Variants in NPHP3 observed in about 807,000 individuals in gnomAD.
NPHP3 encodes the protein nephrocystin-3.
Under a neutral mutation model 171.9 loss-of-function variants are expected in NPHP3, and 123 were observed. That is an observed-to-expected ratio of 0.72 (90% CI 0.62 to 0.83). The LOEUF (loss-of-function observed/expected upper bound fraction) is 0.83. Ranked by LOEUF, NPHP3 falls within the 40% of genes least tolerant of loss-of-function variation. The pLI, the probability that NPHP3 is intolerant of heterozygous loss-of-function variation, is 0.00. For missense variants in NPHP3, 1,506 were observed against 1,591.9 expected (o/e 0.95, Z 0.92); for synonymous variants, 558 against 579.2 (o/e 0.96, Z 0.52).
At position 132,688,294 on chromosome 3, in the gene NPHP3, T is replaced by A. The variant is rs138636703; in HGVS notation, c.3125+356A>T. 1.2e-3 allele frequency among the ~76,000 whole-genome samples: 183 copies of A among 152,340 alleles called. 1 individual carries two copies. Among genetic ancestry groups the A allele is most frequent in the African/African-American group, 3.8e-3 (157 of 41,586 alleles). ...ACTTGGGTCCCATCCCCAAGATATC[T>A]CATTATATATATGCAAATATTCTGA... On this transcript the variant is annotated intron_variant, in intron 21 of 26. Transcript: ENST00000337331.
chr3:132,712,108 T>C (rs1005027085), intron 6 of NPHP3, among the ~76,000 whole-genome samples: 2 of 152,166 alleles, frequency 1.3e-5, no homozygotes, highest in Non-Finnish European at 2.9e-5. Flanking sequence ...TATATCTAAC[T>C]GGTGAAAAAA....
At chr3:132,721,859 TG>T in intron 1 of NPHP3, 103 bp downstream of exon 1, 1 of 1,345,376 alleles carries the variant, frequency 7.4e-7, no homozygotes, top group Middle Eastern at 1.8e-4. Flanking sequence ...CAAATTAAAA[TG>T]GGCAGTTTCC....
intron 3 of NPHP3, chr3:132,718,184 G>A: frequency 2.4e-6 from 1 of 414,780 alleles, no homozygotes; most frequent in South Asian, 1.7e-5. Flanking sequence ...CCATTTGTGA[G>A]AATATACTTA....
In NPHP3 at chr3:132,680,705, A is replaced by G. The variant is rs1939002159; in HGVS notation, c.*1205T>C. The G allele has an allele frequency of 6.6e-6, 1 of 152,212 alleles. No individual in the cohort carries two copies. The highest frequency in any genetic ancestry group is 1.5e-5 in the Non-Finnish European group (1 of 68,032). The allele number at this position is 152,212 out of a possible 1,614,324, so 9.4% of individuals were successfully genotyped here. On this transcript the variant is annotated 3_prime_UTR_variant, in exon 27 of 27. Transcript: ENST00000337331. Reference sequence around the variant, plus strand: ...ACATGTTAGGATCTTACAAGTATTAAATTGATGATTTTATTATATATAAAT... The same window carrying G: ...ACATGTTAGGATCTTACAAGTATTAGATTGATGATTTTATTATATATAAAT...
chr3:132,700,553 A>T, intron 10 of NPHP3, 105 bp from the exon 11 acceptor site: 1 of 634,880 alleles, frequency 1.6e-6, no homozygotes, highest in Non-Finnish European at 2.7e-6. Flanking sequence ...CTAACTGAGC[A>T]ATCAGGTGGT....
chr3:132,721,742 A>T (rs947994515), intron 1 of NPHP3: 1 of 713,932 alleles, frequency 1.4e-6, no homozygotes, highest in Non-Finnish European at 2.5e-6. Context: ...TCCAGGTTGC[A>T]GTGAGCCGCG....
intron 6 of NPHP3, among the ~76,000 whole-genome samples, chr3:132,708,808 A>G (rs1458703138): frequency 6.6e-6 from 1 of 152,160 alleles, no homozygotes; most frequent in East Asian, 1.9e-4. Flanking sequence ...CTTACAATGA[A>G]ACATAGGAGC....
chr3:132,697,421 C>T, intron 13 of NPHP3, 59 bp from the exon 14 acceptor site: 1 of 1,109,494 alleles, frequency 9.0e-7, no homozygotes, highest in Middle Eastern at 2.8e-4. Context: ...CTGTAATTAC[C>T]CATAACACAA....
At chr3:132,692,324 C>T (rs17348614) in intron 17 of NPHP3, among the ~76,000 whole-genome samples, 6,626 of 152,180 alleles carry the variant, frequency 0.044, 211 homozygotes, top group Middle Eastern at 0.068. Flanking sequence ...ATAATAATAC[C>T]GCAATTCAAT....
intron 1 of NPHP3, among the ~76,000 whole-genome samples, chr3:132,720,683 A>C (rs894708833): frequency 6.6e-6 from 1 of 151,806 alleles, no homozygotes; most frequent in African/African-American, 2.4e-5. Flanking sequence ...ACAACAACAA[A>C]ACCTGACTAG....
chr3:132,721,330 A>C (rs1162288981), intron 1 of NPHP3: 2 of 151,040 alleles, frequency 1.3e-5, no homozygotes, highest in Non-Finnish European at 2.8e-5. Context: ...CTACATCTAG[A>C]GAAGGTTTTC....
intron 25 of NPHP3, 107 bp from the exon 26 acceptor site, chr3:132,682,925 C>T (rs1939069487): frequency 2.7e-6 from 2 of 734,624 alleles, no homozygotes. Context: ...TTAATATCCT[C>T]CTAAAAGATG....
Position 132,716,467 on chromosome 3 carries a change from T to A in NPHP3, c.823+290A>T, listed in dbSNP as rs1012703378. The stretch of plus-strand genomic sequence containing the variant: ...TTAAAACCTACTGTTTTTCAATTAA[T>A]CTACATTAGATTTGCTGCTCAACTA... On this transcript the variant is annotated intron_variant, in intron 4 of 26. Transcript: ENST00000337331. Among the ~76,000 whole-genome samples, 10 of 152,310 alleles carry A rather than the reference T, an allele frequency of 6.6e-5. No homozygotes were observed. In the East Asian group the frequency reaches 1.2e-3, roughly 18 times the overall value.
At position 132,708,162 on chromosome 3, in the gene NPHP3, G is replaced by A. The variant is rs1939807488; in HGVS notation, c.1214C>T (p.Ser405Phe). The A allele has an allele frequency of 6.2e-7, 1 of 1,614,038 alleles. No homozygotes were observed. The highest frequency in any genetic ancestry group is 1.3e-5 in the African/African-American group (1 of 74,938). ...FHRLEDGKVS[S>F]DSVQQLIDQV... is the part of the protein sequence containing the mutation. ...ATCAATCAATTGCTGGACAGAGTCAGAACTGACTTTTCCATCTTCCAAACG... is the reference window on the plus strand; with the variant it reads ...ATCAATCAATTGCTGGACAGAGTCAAAACTGACTTTTCCATCTTCCAAACG... The change falls in exon 7 of 27, where the codon TCT (serine) becomes TTT (phenylalanine). Residue 405 changes from serine (S) to phenylalanine (F), a missense_variant. By Grantham distance (155) the Ser-to-Phe change is radical. Coordinates refer to ENST00000337331, the MANE Select transcript of NPHP3 (RefSeq NM_153240.5).
chr3:132,689,844 TG>T (rs1939254849), intron 19 of NPHP3, among the ~76,000 whole-genome samples: 1 of 152,120 alleles, frequency 6.6e-6, no homozygotes, highest in Non-Finnish European at 1.5e-5. Flanking sequence ...AAAGGAATCA[TG>T]AAAAATTGGA....
intron 7 of NPHP3, among the ~76,000 whole-genome samples, chr3:132,707,566 C>T (rs1028596833): frequency 6.6e-6 from 1 of 152,204 alleles, no homozygotes; most frequent in African/African-American, 2.4e-5. Flanking sequence ...TCTGATCATA[C>T]AGATCATACT....
At chr3:132,714,999 G>T in intron 5 of NPHP3, 86 bp downstream of exon 5, 2 of 1,104,892 alleles carry the variant, frequency 1.8e-6, no homozygotes, top group East Asian at 2.6e-5. Flanking sequence ...GAAACTATTT[G>T]GTTGAGATAC....
chr3:132,721,866 T>C (rs188150206), intron 1 of NPHP3, 97 bp downstream of exon 1: 2 of 1,447,978 alleles, frequency 1.4e-6, no homozygotes, highest in African/African-American at 2.8e-5. Context: ...AAATGGGCAG[T>C]TTCCGCCGAA....
At position 132,719,160 on chromosome 3, in the gene NPHP3, T is replaced by C; in HGVS notation, c.520-16A>G. 1.3e-6 allele frequency: 2 copies of C among 1,581,106 alleles called. No homozygotes were observed. Among genetic ancestry groups the C allele is most frequent in the Non-Finnish European group, 1.7e-6 (2 of 1,161,408 alleles). On this transcript the variant is annotated splice_polypyrimidine_tract_variant and intron_variant, in intron 2 of 26. Transcript: ENST00000337331. ...CCCTAAAAATCTTTAAAAAGAATAA[T>C]TTTAATGTTGAAAGCTTTTTCATAA...
Sources: gnomAD v4.1 joint callset for allele counts (sites outside exome capture counted in the v4.1 genomes callset) on GRCh38, gnomAD v4.1.1 for gene constraint, MANE v1.5 for transcripts, NCBI Gene and HGNC (gene_info 2026-07-23, HGNC 2026-07-21) for gene names.